SAMMSON: variants seen among roughly 807,000 people sequenced by gnomAD.
SAMMSON encodes survival associated mitochondrial melanoma specific oncogenic non-coding RNA, also known as long intergenic non-protein coding RNA 1212.
At chr3:70,233,777 G>C (rs1487875112) in intron 4 of SAMMSON, among the ~76,000 whole-genome samples, 1 of 152,114 alleles carries the variant, frequency 6.6e-6, no homozygotes, top group African/African-American at 2.4e-5. Context: ...ATTTCACACA[G>C]CATAATTATT....
intron 6 of SAMMSON, among the ~76,000 whole-genome samples, chr3:70,257,074 T>C (rs1274430749): frequency 2.6e-5 from 4 of 152,148 alleles, no homozygotes; most frequent in South Asian, 4.1e-4. Context: ...GCATAGACCA[T>C]GAAAAATGAG....
chr3:70,002,346 A>T (rs1222381577), intron 1 of SAMMSON, among the ~76,000 whole-genome samples: 3 of 152,192 alleles, frequency 2.0e-5, no homozygotes, highest in Non-Finnish European at 1.5e-5. Context: ...ATAACTAATT[A>T]AAAAAATTAA....
intron 9 of SAMMSON, among the ~76,000 whole-genome samples, chr3:70,362,213 T>C (rs538236303): frequency 2.6e-5 from 4 of 152,288 alleles, no homozygotes; most frequent in African/African-American, 9.6e-5. Flanking sequence ...AGATTTTCTT[T>C]TGTATCAAAC....
At chr3:70,106,416 T>C (rs145490529) in intron 4 of SAMMSON, among the ~76,000 whole-genome samples, 29 of 151,762 alleles carry the variant, frequency 1.9e-4, no homozygotes, top group African/African-American at 5.3e-4. Context: ...TCATAGCACA[T>C]TGTAGTTTCA....
chr3:70,050,677 A>C (rs574049872), intron 3 of SAMMSON, among the ~76,000 whole-genome samples: 2 of 152,104 alleles, frequency 1.3e-5, no homozygotes, highest in Non-Finnish European at 2.9e-5. Context: ...GTCTTGGTCA[A>C]CTTTCACCTG....
At chr3:70,095,952 G>C (rs547170520) in intron 4 of SAMMSON, 2 of 152,102 alleles carry the variant, frequency 1.3e-5, no homozygotes, top group African/African-American at 4.8e-5. Flanking sequence ...TCTAACACAT[G>C]TTTATTTTTC....
At position 70,148,729 on chromosome 3, in the gene SAMMSON, T is replaced by C. The variant is rs575313354; in HGVS notation, n.507+77164T>C. Among the ~76,000 whole-genome samples the C allele has an allele frequency of 2.7e-4, 41 of 152,150 alleles. 1 individual carries two copies. The South Asian group carries it at 8.3e-3, about 31-fold the overall frequency. On this transcript the variant is annotated intron_variant and non_coding_transcript_variant, in intron 4 of 9. Coordinates refer to ENST00000642114, the Ensembl canonical transcript of SAMMSON. ...CCTACTAGAGCAAGAACTCACTCAC[T>C]ACCTTGAGGGCAGCACCAAGCCATT...
chr3:70,411,258 G>C (rs1188641555), intron 2 of SAMMSON, among the ~76,000 whole-genome samples: 1 of 152,152 alleles, frequency 6.6e-6, no homozygotes, highest in Admixed American at 6.5e-5. Context: ...CTCTTTGTCA[G>C]ATACAGTTAG....
At chr3:70,133,230 T>G (rs1459264841) in intron 4 of SAMMSON, among the ~76,000 whole-genome samples, 1 of 152,056 alleles carries the variant, frequency 6.6e-6, no homozygotes, top group African/African-American at 2.4e-5. Flanking sequence ...CAGCCCCACT[T>G]CGTGACTGAA....
intron 7 of SAMMSON, among the ~76,000 whole-genome samples, chr3:70,308,053 A>G (rs1353833762): frequency 1.3e-5 from 2 of 151,776 alleles, no homozygotes; most frequent in Non-Finnish European, 2.9e-5. Context: ...CCTGGTGCAT[A>G]TATTTTATTT....
intron 6 of SAMMSON, among the ~76,000 whole-genome samples, chr3:70,265,784 C>A (rs1421071312): frequency 6.6e-6 from 1 of 152,160 alleles, no homozygotes; most frequent in African/African-American, 2.4e-5. Context: ...AACTTATAAT[C>A]ATGATGGGAG....
chr3:70,410,759 T>A (rs1701211674), intron 2 of SAMMSON, among the ~76,000 whole-genome samples: 1 of 152,212 alleles, frequency 6.6e-6, no homozygotes, highest in African/African-American at 2.4e-5. Flanking sequence ...ACCCTCTGCC[T>A]ACTGCCGTAA....
intron 2 of SAMMSON, among the ~76,000 whole-genome samples, chr3:70,401,090 A>T (rs1056362085): frequency 2.0e-5 from 3 of 152,160 alleles, no homozygotes; most frequent in South Asian, 4.1e-4. Context: ...ATTAGTCTTT[A>T]TTCCTTTTGT....
At chr3:70,425,933 A>G (rs187133152) in intron 2 of SAMMSON, among the ~76,000 whole-genome samples, 27 of 152,324 alleles carry the variant, frequency 1.8e-4, no homozygotes, top group Admixed American at 7.2e-4. Context: ...TACCATCTGC[A>G]GCCAAGGCTC....
intron 4 of SAMMSON, among the ~76,000 whole-genome samples, chr3:70,224,328 A>T (rs967640867): frequency 1.3e-5 from 2 of 152,200 alleles, no homozygotes; most frequent in African/African-American, 4.8e-5. Context: ...ATTTGGAGAG[A>T]TGACTCCATG....
downstream of SAMMSON, among the ~76,000 whole-genome samples, chr3:70,393,170 A>G (rs1172698132): frequency 6.6e-6 from 1 of 152,142 alleles, no homozygotes; most frequent in African/African-American, 2.4e-5. Flanking sequence ...ATTTTGTGTA[A>G]CTGTTTATGT....
chr3:70,170,941 A>T (rs1417461972), intron 4 of SAMMSON, among the ~76,000 whole-genome samples: 1 of 151,844 alleles, frequency 6.6e-6, no homozygotes, highest in South Asian at 2.1e-4. Flanking sequence ...TTTCATGGAG[A>T]TTCTGCCTGT....
At chr3:70,032,116 C>T (rs767485743) in intron 3 of SAMMSON, among the ~76,000 whole-genome samples, 1 of 152,072 alleles carries the variant, frequency 6.6e-6, no homozygotes, top group Non-Finnish European at 1.5e-5. Context: ...AATTTGGGAA[C>T]ATGATTCTTT....
intron 4 of SAMMSON, among the ~76,000 whole-genome samples, chr3:70,104,076 C>A (rs1295273453): frequency 1.3e-5 from 2 of 150,218 alleles, no homozygotes; most frequent in Admixed American, 1.3e-4. Context: ...GAACGGAAAA[C>A]CCAATGGTGT....
Sources: gnomAD v4.1 joint callset for allele counts (sites outside exome capture counted in the v4.1 genomes callset) on GRCh38, gnomAD v4.1.1 for gene constraint, MANE v1.5 for transcripts, NCBI Gene and HGNC (gene_info 2026-07-23, HGNC 2026-07-21) for gene names.